The following MTMR10 variants were observed in gnomAD, a reference collection of about 807,000 sequenced individuals.
MTMR10 encodes the protein myotubularin-related protein 10.
A neutral mutation model predicts 88.1 loss-of-function variants in MTMR10; 56 were observed. That is an observed-to-expected ratio of 0.64 (90% CI 0.51 to 0.79). The LOEUF is 0.79. Among genes scored for constraint, MTMR10 ranks in the 30% least tolerant of loss-of-function variants. The pLI is 0.00. For missense variants in MTMR10, 883 were observed against 924.7 expected (o/e 0.95, Z 0.58); for synonymous variants, 380 against 340.9 (o/e 1.11, Z -1.26).
chr15:30,942,337 A>ATAAGT (rs1296244004), intron 15 of MTMR10: 2 of 522,950 alleles, frequency 3.8e-6, no homozygotes, highest in Admixed American at 3.5e-5. Context: ...TTGCTTAAGG[A>ATAAGT]TAAGTTCTAA....
At chr15:30,988,797 T>G (rs1267495136) in intron 2 of MTMR10, among the ~76,000 whole-genome samples, 2 of 152,136 alleles carry the variant, frequency 1.3e-5, no homozygotes, top group South Asian at 2.1e-4. Context: ...AAGACCAGCC[T>G]GGCCAACATG....
At chr15:30,987,260 G>A (rs753334338) in intron 2 of MTMR10, among the ~76,000 whole-genome samples, 20 of 152,212 alleles carry the variant, frequency 1.3e-4, no homozygotes, top group Non-Finnish European at 2.6e-4. Context: ...GTTTAAGCCA[G>A]GTGGTCTGAG....
chr15:30,943,860 A>G (rs931676068), intron 14 of MTMR10: 218 of 985,326 alleles, frequency 2.2e-4, no homozygotes, highest in Non-Finnish European at 2.6e-4. Flanking sequence ...AGCAATGTGG[A>G]GAAAGGACTC....
At chr15:30,980,263 T>C (rs1478403582) in intron 2 of MTMR10, among the ~76,000 whole-genome samples, 1 of 152,186 alleles carries the variant, frequency 6.6e-6, no homozygotes, top group Non-Finnish European at 1.5e-5. Flanking sequence ...TACTAGAATG[T>C]GTCCATGCAA....
intron 14 of MTMR10, 185 bp downstream of exon 14, chr15:30,946,941 GTTCA>G (rs771361635): frequency 1.3e-6 from 1 of 748,610 alleles, no homozygotes; most frequent in Non-Finnish European, 2.0e-6. Context: ...AACAAAAAAT[GTTCA>G]TTCATAAAAA....
intron 9 of MTMR10, among the ~76,000 whole-genome samples, chr15:30,957,065 G>A (rs1171002128): frequency 6.6e-6 from 1 of 152,290 alleles, no homozygotes; most frequent in South Asian, 2.1e-4. Flanking sequence ...TTACGGTACA[G>A]TGGAAAAACC....
intron 6 of MTMR10, among the ~76,000 whole-genome samples, chr15:30,966,211 G>C (rs1014040538): frequency 2.0e-5 from 3 of 152,138 alleles, no homozygotes; most frequent in African/African-American, 7.2e-5. Flanking sequence ...TTATCAATAA[G>C]CTATATAAGA....
chr15:30,952,636 G>A (rs1299271914), intron 11 of MTMR10, among the ~76,000 whole-genome samples: 2 of 152,056 alleles, frequency 1.3e-5, no homozygotes, highest in Admixed American at 1.3e-4. Flanking sequence ...TAGGACAGCA[G>A]GCACATGCCA....
chr15:30,937,013 GAGC>G (rs2062873944), downstream of MTMR10: 12 of 841,142 alleles, frequency 1.4e-5, no homozygotes, highest in Non-Finnish European at 2.1e-5. Flanking sequence ...TACAGTGAGA[GAGC>G]AGAAGAGCCA....
chr15:30,945,753 CT>C (rs1056693273), intron 14 of MTMR10, among the ~76,000 whole-genome samples: 2 of 152,192 alleles, frequency 1.3e-5, no homozygotes, highest in African/African-American at 4.8e-5. Context: ...GCCTGTATCA[CT>C]GGTTCTCAGC....
chr15:30,929,588 A>G, the MTMR10 span, among the ~76,000 whole-genome samples: 13 of 131,714 alleles, frequency 9.9e-5, no homozygotes, highest in African/African-American at 3.8e-4. Flanking sequence ...ATTATATTAT[A>G]TATTATATAT....
At chr15:30,963,253 C>T (rs1006502974) in intron 6 of MTMR10, among the ~76,000 whole-genome samples, 2 of 152,104 alleles carry the variant, frequency 1.3e-5, no homozygotes, top group African/African-American at 4.8e-5. Flanking sequence ...CTCTAGATTA[C>T]GGAGGGGCTA....
At chr15:30,931,689 C>A in the MTMR10 span, among the ~76,000 whole-genome samples, 32 of 152,176 alleles carry the variant, frequency 2.1e-4, no homozygotes, top group African/African-American at 7.7e-4. Flanking sequence ...ATGCTTCCTC[C>A]ACTGAATTCC....
At chr15:30,929,121 G>A in the MTMR10 span, 2 of 1,253,954 alleles carry the variant, frequency 1.6e-6, no homozygotes, top group African/African-American at 1.6e-5. Context: ...CGGTTTCCAA[G>A]TTTTGTATGT....
At chr15:30,984,665 T>C (rs1008545187) in intron 2 of MTMR10, among the ~76,000 whole-genome samples, 6 of 152,156 alleles carry the variant, frequency 3.9e-5, no homozygotes, top group African/African-American at 7.2e-5. Flanking sequence ...AGATGGCCCA[T>C]GGTTGTATGC....
At position 30,941,958 on chromosome 15, in the gene MTMR10, G is replaced by A; in HGVS notation, c.1846C>T (p.Pro616Ser). The stretch of plus-strand genomic sequence containing the variant: ...TTCTGGCTGTCGGTTTGCTGAGCTG[G>A]ATCTGGCTTTGGTTTTAATATCAAT... ...NSLILKPKPD[P>S]AQQTDSQNSD... is the part of the protein sequence containing the mutation. Residue 616 changes from proline (P) to serine (S), a missense_variant, in exon 16 of 16, where the codon CCA (proline) becomes TCA (serine). Coordinates refer to ENST00000435680, the MANE Select transcript of MTMR10 (RefSeq NM_017762.3). 6.2e-7 allele frequency: 1 copy of A among 1,614,014 alleles called. No individual in the cohort carries two copies. The highest frequency in any genetic ancestry group is 8.5e-7 in the Non-Finnish European group (1 of 1,179,892).
intron 2 of MTMR10, among the ~76,000 whole-genome samples, chr15:30,987,599 G>A (rs2031020864): frequency 2.6e-5 from 4 of 152,054 alleles, no homozygotes; most frequent in African/African-American, 9.7e-5. Flanking sequence ...TCAAACTTTG[G>A]GCAACTGAAG....
chr15:30,934,049 TTTC>T (rs1566935029), downstream of MTMR10, among the ~76,000 whole-genome samples: 1 of 152,166 alleles, frequency 6.6e-6, no homozygotes. Flanking sequence ...AATTTGTGTA[TTTC>T]TTCTTGCGTT....
the MTMR10 span, among the ~76,000 whole-genome samples, chr15:30,923,084 A>T: frequency 2.0e-5 from 3 of 151,956 alleles, no homozygotes; most frequent in Non-Finnish European, 4.4e-5. Context: ...GGAGCTTTTG[A>T]TTTTTTCAGT....
Sources: gnomAD v4.1 joint callset for allele counts (sites outside exome capture counted in the v4.1 genomes callset) on GRCh38, gnomAD v4.1.1 for gene constraint, MANE v1.5 for transcripts, NCBI Gene and HGNC (gene_info 2026-07-23, HGNC 2026-07-21) for gene names.